Variants in NXPH1 observed in about 807,000 individuals in gnomAD.
NXPH1 encodes neurexophilin 1.
Under a neutral mutation model 23.7 loss-of-function variants are expected in NXPH1, and 5 were observed. The observed-to-expected ratio is 0.21, with a 90% confidence interval of 0.11 to 0.44. NXPH1 has a LOEUF of 0.44. NXPH1 is among the 20% of genes least tolerant of loss of function. NXPH1 has a pLI of 0.99. For missense variants in NXPH1, 324 were observed against 321.6 expected (o/e 1.01, Z -0.06); for synonymous variants, 144 against 122.2 (o/e 1.18, Z -1.18).
intron 2 of NXPH1, among the ~76,000 whole-genome samples, chr7:8,728,324 C>G (rs1378139520): frequency 1.3e-5 from 2 of 152,106 alleles, no homozygotes; most frequent in African/African-American, 2.4e-5. Flanking sequence ...ATTGAATACT[C>G]TTTATTTCCT....
chr7:8,435,871 C>T lies in NXPH1; in HGVS notation c.54+104C>T. ...GGTTACGCCGCCAGTTCAGTGAGAGCAGCTTCCTAGCAGCTGTGTTGGAGC... is the reference window on the plus strand; with the variant it reads ...GGTTACGCCGCCAGTTCAGTGAGAGTAGCTTCCTAGCAGCTGTGTTGGAGC... On this transcript the variant is annotated intron_variant, in intron 2 of 2. Coordinates refer to ENST00000405863, the MANE Select transcript of NXPH1 (RefSeq NM_152745.3). The surrounding 1 kb of genome is among the most constrained non-coding windows in gnomAD (Gnocchi z 5.9). 9.3e-7 allele frequency: 1 copy of T among 1,074,680 alleles called. No homozygotes were observed. The highest frequency in any genetic ancestry group is 1.4e-6 in the Non-Finnish European group (1 of 690,384). 66.6% of individuals were successfully genotyped at this position (1,074,680 alleles called of 1,614,324 possible).
At chr7:8,593,863 C>T (rs896529192) in intron 2 of NXPH1, among the ~76,000 whole-genome samples, 1 of 151,962 alleles carries the variant, frequency 6.6e-6, no homozygotes, top group Non-Finnish European at 1.5e-5. Context: ...CAAAATGTAC[C>T]TTGGTTTGGT....
At chr7:8,735,564 T>C (rs917291584) in intron 2 of NXPH1, among the ~76,000 whole-genome samples, 2 of 152,224 alleles carry the variant, frequency 1.3e-5, no homozygotes, top group African/African-American at 4.8e-5. Flanking sequence ...GATTTTCACA[T>C]TGATGTTCAT....
chr7:8,530,864 C>A (rs542287171), intron 2 of NXPH1, among the ~76,000 whole-genome samples: 1 of 152,084 alleles, frequency 6.6e-6, no homozygotes, highest in African/African-American at 2.4e-5. Context: ...AAGTTAATAC[C>A]AATTTATTTG....
At chr7:8,581,172 A>G (rs1274253495) in intron 2 of NXPH1, among the ~76,000 whole-genome samples, 3 of 152,204 alleles carry the variant, frequency 2.0e-5, no homozygotes, top group African/African-American at 7.2e-5. Flanking sequence ...TCTCTTTCTC[A>G]TTCCTGTTCT....
At chr7:8,660,434 T>C (rs1820653892) in intron 2 of NXPH1, among the ~76,000 whole-genome samples, 1 of 152,180 alleles carries the variant, frequency 6.6e-6, no homozygotes, top group Non-Finnish European at 1.5e-5. Context: ...AAAAGCATAG[T>C]ATTTTTTGCT....
At chr7:8,507,820 G>A in intron 2 of NXPH1, among the ~76,000 whole-genome samples, 1 of 152,076 alleles carries the variant, frequency 6.6e-6, no homozygotes, top group East Asian at 1.9e-4. Flanking sequence ...CTCATGATTT[G>A]TTTGGCATAA....
At chr7:8,489,904 C>T (rs1407630088) in intron 2 of NXPH1, among the ~76,000 whole-genome samples, 1 of 152,070 alleles carries the variant, frequency 6.6e-6, no homozygotes, top group African/African-American at 2.4e-5. Context: ...GTCTGATGCC[C>T]TGGTTCAAGG....
intron 2 of NXPH1, among the ~76,000 whole-genome samples, chr7:8,714,249 A>G (rs1291455661): frequency 6.6e-6 from 1 of 151,946 alleles, no homozygotes; most frequent in Non-Finnish European, 1.5e-5. Flanking sequence ...TTGCCAGGCT[A>G]CCACTGGTAT....
At chr7:8,436,884 T>C (rs1447719406) in intron 2 of NXPH1, among the ~76,000 whole-genome samples, 1 of 152,188 alleles carries the variant, frequency 6.6e-6, no homozygotes, top group East Asian at 1.9e-4. Flanking sequence ...ATCCCTACAA[T>C]TGACAGCGTT....
rs781591507 is a variant in NXPH1, at chr7:8,702,709, G to GAAACA, written c.55-48299_55-48298insAAACA. On this transcript the variant is annotated intron_variant, in intron 2 of 2. Coordinates refer to ENST00000405863, the MANE Select transcript of NXPH1 (RefSeq NM_152745.3). ...TTTAAAGTGCTTTCACCTACATTAT[G>GAAACA]CCTCCTGCTAGGAAGGCATAGGTGG... Among the ~76,000 whole-genome samples, 301 of 152,150 alleles carry GAAACA rather than the reference G, an allele frequency of 2.0e-3. 2 individuals are homozygous for GAAACA. The Middle Eastern group carries it at 0.02, about 10-fold the overall frequency.
At chr7:8,489,682 T>C (rs1410427955) in intron 2 of NXPH1, among the ~76,000 whole-genome samples, 1 of 152,128 alleles carries the variant, frequency 6.6e-6, no homozygotes, top group Non-Finnish European at 1.5e-5. Flanking sequence ...CCTGCTTTGC[T>C]ATTCCATTTG....
chr7:8,639,826 G>T lies in NXPH1; in HGVS notation c.55-111182G>T, dbSNP rs189787722. On this transcript the variant is annotated intron_variant, in intron 2 of 2. Transcript: ENST00000405863. ...TCTTCCTCATTTTTCTTTTGCCCCG[G>T]CCATGTAAGAAGTGCCTTTCGCCTT... 3.9e-5 allele frequency among the ~76,000 whole-genome samples: 6 copies of T among 152,222 alleles called. No homozygotes were observed. The East Asian group carries it at 1.2e-3, about 29-fold the overall frequency.
chr7:8,680,606 G>A (rs549879505), intron 2 of NXPH1, among the ~76,000 whole-genome samples: 1 of 152,316 alleles, frequency 6.6e-6, no homozygotes, highest in East Asian at 1.9e-4. Context: ...ATGGAAGTAG[G>A]AAGATGGTGC....
chr7:8,471,201 G>A (rs186887737), intron 2 of NXPH1, among the ~76,000 whole-genome samples: 1 of 152,202 alleles, frequency 6.6e-6, no homozygotes, highest in Non-Finnish European at 1.5e-5. Context: ...GAAAACAATG[G>A]GATGTGGTCA....
At chr7:8,636,622 G>A (rs1309061589) in intron 2 of NXPH1, among the ~76,000 whole-genome samples, 1 of 152,204 alleles carries the variant, frequency 6.6e-6, no homozygotes, top group Non-Finnish European at 1.5e-5. Flanking sequence ...TGCAAGCTAA[G>A]GGGAATCATG....
intron 2 of NXPH1, among the ~76,000 whole-genome samples, chr7:8,607,135 AT>A (rs1819511932): frequency 6.6e-6 from 1 of 152,172 alleles, no homozygotes; most frequent in Non-Finnish European, 1.5e-5. Flanking sequence ...AATTAACAAA[AT>A]TAACTCGAAG....
At chr7:8,534,509 G>A (rs1348812309) in intron 2 of NXPH1, among the ~76,000 whole-genome samples, 2 of 152,072 alleles carry the variant, frequency 1.3e-5, no homozygotes, top group South Asian at 4.1e-4. Flanking sequence ...GGTAGCTAAA[G>A]GGATAGGAGG....
intron 2 of NXPH1, among the ~76,000 whole-genome samples, chr7:8,594,476 A>G (rs1562417127): frequency 6.6e-6 from 1 of 152,086 alleles, no homozygotes; most frequent in Non-Finnish European, 1.5e-5. Flanking sequence ...TACAGTGTAC[A>G]TCAGCAGCAT....
Sources: allele counts gnomAD v4.1 joint callset (sites outside exome capture counted in the v4.1 genomes callset), GRCh38; gene constraint gnomAD v4.1.1; non-coding constraint Gnocchi (gnomAD v3.1); transcripts MANE v1.5; gene names NCBI Gene and HGNC (gene_info 2026-07-23, HGNC 2026-07-21).